Variants in ATP5MC3 observed in about 807,000 individuals in gnomAD.
The protein encoded by ATP5MC3 is ATP synthase membrane subunit c locus 3, also known as ATP synthase F(0) complex subunit C3, mitochondrial.
ATP5MC3 carries 6 observed loss-of-function variants against 15.6 expected under a neutral mutation model. The ratio of observed to expected loss-of-function variants is 0.38; its 90% confidence interval spans 0.21 to 0.76. The LOEUF (loss-of-function observed/expected upper bound fraction) is 0.76, where lower values mean the gene tolerates loss of function less well. Among genes scored for constraint, ATP5MC3 ranks in the 30% least tolerant of loss-of-function variants. The probability of loss-of-function intolerance (pLI) is 0.44; values close to 1 mark genes in which losing one functional copy is unlikely to be tolerated. For missense variants in ATP5MC3, 132 were observed against 171.2 expected, an observed-to-expected ratio of 0.77 and a Z score of 1.28; for synonymous variants, 66 against 63.3, an observed-to-expected ratio of 1.04 and a Z score of -0.20.
chr2:175,181,218 T>G, intron 2 of ATP5MC3, 137 bp downstream of exon 2: 2 of 1,061,734 alleles, frequency 1.9e-6, no homozygotes, highest in Admixed American at 3.0e-5. Flanking sequence ...AAAACGGCAA[T>G]GGGTTAATAG....
Position 175,181,676 on chromosome 2 carries a change from G to A in ATP5MC3, c.-94C>T, listed in dbSNP as rs946353141. ...CTTACCTTCCCAGGAGGCGGCGGCG[G>A]CACGGGCTGCGGCAGAGGTCGAAGG... is the stretch of plus-strand genomic sequence containing the variant. On this transcript the variant is annotated 5_prime_UTR_variant, in exon 1 of 5. Transcript: ENST00000284727. The A allele has an allele frequency of 4.4e-5, 21 of 477,870 alleles. No individual in the cohort carries two copies. Among genetic ancestry groups the A allele is most frequent in the Non-Finnish European group, 7.0e-5 (19 of 270,538 alleles). The allele number at this position is 477,870 out of a possible 1,614,324, so 29.6% of individuals were successfully genotyped here. A position where few individuals can be genotyped will look rare whatever the true frequency, so the allele number is the denominator to read the frequency against.
intron 3 of ATP5MC3, 45 bp from the exon 4 acceptor site, chr2:175,179,295 G>A: frequency 1.3e-6 from 2 of 1,537,620 alleles, no homozygotes; most frequent in East Asian, 2.3e-5. Flanking sequence ...AGTAACCACA[G>A]GTAGCTATTT....
In ATP5MC3 at chr2:175,181,388, G is replaced by A. The variant is rs762185123; in HGVS notation, c.6C>T (p.Phe2=). The change falls in exon 2 of 5, where the codon TTC becomes TTT. Residue 2 remains phenylalanine, a synonymous_variant. Transcript: ENST00000284727. ...GGGTGCAGGCGAGCTTGGCGCAGGC[G>A]AACATCTTACACTCTTCGGGACTGC... M[F]ACAKLACTPS... 7.4e-6 allele frequency: 12 copies of A among 1,613,802 alleles called. No homozygotes were observed. Among genetic ancestry groups the A allele is most frequent in the Middle Eastern group, 1.6e-4 (1 of 6,062 alleles).
rs1268499852 is a variant in ATP5MC3 at position 175,176,833 on chromosome 2, A to C, written c.*1455T>G. 1 of 152,194 alleles carries C rather than the reference A, an allele frequency of 6.6e-6. No individual in the cohort carries two copies. Among genetic ancestry groups the C allele is most frequent in the East Asian group, 1.9e-4 (1 of 5,198 alleles). The allele number at this position is 152,194 out of a possible 1,614,324, so 9.4% of individuals were successfully genotyped here. A position where few individuals can be genotyped will look rare whatever the true frequency, so the allele number is the denominator to read the frequency against. ...AGTGCCTCATTCCTTTTCATGGCTG[A>C]ATATTCCATTATATGGATGTATTTT... On this transcript the variant is annotated 3_prime_UTR_variant, in exon 5 of 5. Transcript: ENST00000284727.
At chr2:175,181,106 G>T (rs948711177) in intron 2 of ATP5MC3, among the ~76,000 whole-genome samples, 3 of 152,220 alleles carry the variant, frequency 2.0e-5, no homozygotes, top group African/African-American at 7.2e-5. Flanking sequence ...CTAGGGACCA[G>T]AGAGTTTGAC....
chr2:175,181,277 T>C, intron 2 of ATP5MC3, 78 bp downstream of exon 2: 1 of 1,533,226 alleles, frequency 6.5e-7, no homozygotes, highest in Non-Finnish European at 8.8e-7. Flanking sequence ...GCCCGAAGGT[T>C]GCCCCATTCA....
intron 4 of ATP5MC3, 172 bp downstream of exon 4, chr2:175,178,885 T>G: frequency 8.2e-7 from 1 of 1,220,208 alleles, no homozygotes; most frequent in Admixed American, 3.0e-5. Flanking sequence ...GTTATTCTCA[T>G]AACACCCCAA....
chr2:175,178,218 G>T lies in ATP5MC3; in HGVS notation c.*70C>A. 6.5e-7 allele frequency: 1 copy of T among 1,541,608 alleles called. No homozygotes were observed. ...CATGACACCAATACTACAGTTTTCGGAGTCACAGTAAGATACACAGAATTA... is the reference window on the plus strand; with the variant it reads ...CATGACACCAATACTACAGTTTTCGTAGTCACAGTAAGATACACAGAATTA... On this transcript the variant is annotated 3_prime_UTR_variant, in exon 5 of 5. Coordinates refer to ENST00000284727, the MANE Select transcript of ATP5MC3 (RefSeq NM_001689.5).
rs1041164426 is a variant in ATP5MC3, at chr2:175,177,339, T to C, written c.*949A>G. On this transcript the variant is annotated 3_prime_UTR_variant, in exon 5 of 5. Coordinates refer to ENST00000284727, the MANE Select transcript of ATP5MC3 (RefSeq NM_001689.5). ...AAGTAAAATGTCACTTTCCTAATTA[T>C]CAACTTTCAAAAAACCCTGAAACTT... 6.6e-6 allele frequency: 1 copy of C among 152,166 alleles called. No individual in the cohort carries two copies. Among genetic ancestry groups the C allele is most frequent in the South Asian group, 2.1e-4 (1 of 4,828 alleles). 9.4% of individuals were successfully genotyped at this position (152,166 alleles called of 1,614,324 possible).
rs1005218962 is a variant in ATP5MC3 at position 175,177,852 on chromosome 2, G to A, written c.*436C>T. 2 of 152,522 alleles carry A rather than the reference G, an allele frequency of 1.3e-5. No homozygotes were observed. The highest frequency in any genetic ancestry group is 2.4e-5 in the African/African-American group (1 of 41,426). The allele number at this position is 152,522 out of a possible 1,614,324, so 9.4% of individuals were successfully genotyped here. ...TCTGATTTGAAGTATTCTAACTGAT[G>A]TTAGACCTTAAAAACTCAAGACCAT... is the stretch of plus-strand genomic sequence containing the variant. On this transcript the variant is annotated 3_prime_UTR_variant, in exon 5 of 5. Transcript: ENST00000284727.
At chr2:175,179,906 G>C (rs766558498) in intron 3 of ATP5MC3, 192 bp downstream of exon 3, 8 of 523,762 alleles carry the variant, frequency 1.5e-5, no homozygotes, top group Non-Finnish European at 2.6e-5. Context: ...GTTTTGGATA[G>C]AGAAATTTCT....
chr2:175,179,339 CTTT>C (rs1378167838), intron 3 of ATP5MC3, 89 bp from the exon 4 acceptor site: 1 of 1,434,664 alleles, frequency 7.0e-7, no homozygotes, highest in Non-Finnish European at 9.2e-7. Flanking sequence ...ATGATAACTA[CTTT>C]TTTATTTTGT....
In ATP5MC3 at chr2:175,181,171, G is replaced by T. The variant is rs989293796; in HGVS notation, c.39+184C>A. 2.0e-5 allele frequency among the ~76,000 whole-genome samples: 3 copies of T among 152,258 alleles called. No homozygotes were observed. In the East Asian group the frequency reaches 5.8e-4, roughly 29 times the overall value. ...CTCGGCTGCTCTGCCTCGCCCTAGTGGCAAGGAGAGGGCTGAGATGCCCTA... is the reference window on the plus strand; with the variant it reads ...CTCGGCTGCTCTGCCTCGCCCTAGTTGCAAGGAGAGGGCTGAGATGCCCTA... On this transcript the variant is annotated intron_variant, in intron 2 of 4. Coordinates refer to ENST00000284727, the MANE Select transcript of ATP5MC3 (RefSeq NM_001689.5).
At chr2:175,178,959 A>G in intron 4 of ATP5MC3, 98 bp downstream of exon 4, 1 of 1,501,820 alleles carries the variant, frequency 6.7e-7, no homozygotes, top group Non-Finnish European at 8.9e-7. Context: ...TGCAAGACAC[A>G]GAGTAAGCAC....
At chr2:175,179,408 A>G (rs268224) in intron 3 of ATP5MC3, among the ~76,000 whole-genome samples, 158 bp from the exon 4 acceptor site, 2 of 152,242 alleles carry the variant, frequency 1.3e-5, no homozygotes, top group South Asian at 4.1e-4. Context: ...CTTGTGTAAC[A>G]GGGATAACAA....
At chr2:175,179,932 A>G (rs957415970) in intron 3 of ATP5MC3, 166 bp downstream of exon 3, 4 of 557,444 alleles carry the variant, frequency 7.2e-6, no homozygotes, top group Non-Finnish European at 1.2e-5. Flanking sequence ...CGTCTCATCT[A>G]GTTTTTTGGC....
chr2:175,178,960 GAGTAAGCACTTA>G, intron 4 of ATP5MC3, 85 bp downstream of exon 4: 1 of 1,512,894 alleles, frequency 6.6e-7, no homozygotes, highest in South Asian at 1.3e-5. Flanking sequence ...GCAAGACACA[GAGTAAGCACTTA>G]ATGCAAAGTA....
chr2:175,179,318 A>G (rs1433990117), intron 3 of ATP5MC3, 68 bp from the exon 4 acceptor site: 4 of 1,497,546 alleles, frequency 2.7e-6, no homozygotes, highest in African/African-American at 2.8e-5. Context: ...ATTAAATACC[A>G]TATTGTCAAA....
rs2105411592 is a variant in ATP5MC3 at position 175,176,648 on chromosome 2, C to T, written c.*1640G>A. On this transcript the variant is annotated 3_prime_UTR_variant, in exon 5 of 5. Transcript: ENST00000284727. ...AATCCCCATACGCATTACGCAGTCA[C>T]TCCCTTTTCACCCCCTCCCTAGTTC... 1 of 152,316 alleles carries T rather than the reference C, an allele frequency of 6.6e-6. No individual in the cohort carries two copies. Among genetic ancestry groups the T allele is most frequent in the South Asian group, 2.1e-4 (1 of 4,828 alleles). 9.4% of individuals were successfully genotyped at this position (152,316 alleles called of 1,614,324 possible).
Sources: gnomAD v4.1 joint callset for allele counts (sites outside exome capture counted in the v4.1 genomes callset) on GRCh38, gnomAD v4.1.1 for gene constraint, MANE v1.5 for transcripts, NCBI Gene and HGNC (gene_info 2026-07-23, HGNC 2026-07-21) for gene names.